TMPRSS15: variants seen among roughly 807,000 people sequenced by gnomAD.
TMPRSS15 encodes the protein enteropeptidase.
In TMPRSS15, 128 loss-of-function variants were observed where a neutral mutation model predicts 125.3. That is an observed-to-expected ratio of 1.02 (90% CI 0.89 to 1.18). TMPRSS15 has a LOEUF of 1.18. Among genes scored for constraint, TMPRSS15 ranks in the 50% most tolerant of loss-of-function variants. The pLI is 0.00. For missense variants in TMPRSS15, 1,283 were observed against 1,212.7 expected, an observed-to-expected ratio of 1.06 and a Z score of -0.86; for synonymous variants, 446 against 423.2, an observed-to-expected ratio of 1.05 and a Z score of -0.66.
chr21:18,361,893 A>C (rs200744313), intron 7 of TMPRSS15, among the ~76,000 whole-genome samples: 4 of 149,310 alleles, frequency 2.7e-5, no homozygotes, highest in East Asian at 2.0e-4. Context: ...TAAAAAAAAA[A>C]CAAACCCAAA....
intron 1 of TMPRSS15, among the ~76,000 whole-genome samples, chr21:18,400,263 G>A (rs2076082522): frequency 6.6e-6 from 1 of 152,100 alleles, no homozygotes; most frequent in Admixed American, 6.5e-5. Flanking sequence ...AGCCAGAATA[G>A]TCAAAGCAAT....
intron 10 of TMPRSS15, among the ~76,000 whole-genome samples, chr21:18,347,033 CTTTGTG>C (rs1172636134): frequency 6.6e-6 from 1 of 152,090 alleles, no homozygotes; most frequent in African/African-American, 2.4e-5. Flanking sequence ...TTTTTTGACA[CTTTGTG>C]TCTTCTTTTT....
At chr21:18,322,037 C>T (rs2075244099) in intron 16 of TMPRSS15, among the ~76,000 whole-genome samples, 2 of 152,158 alleles carry the variant, frequency 1.3e-5, no homozygotes, top group Admixed American at 1.3e-4. Context: ...TGAAATCTAG[C>T]TATAGGCAAA....
chr21:18,359,226 T>G (rs1305495612), intron 8 of TMPRSS15, among the ~76,000 whole-genome samples: 1 of 152,038 alleles, frequency 6.6e-6, no homozygotes, highest in African/African-American at 2.4e-5. Flanking sequence ...CCCGTCCATG[T>G]GTAACGATAA....
intron 16 of TMPRSS15, among the ~76,000 whole-genome samples, chr21:18,320,259 T>C (rs963077365): frequency 1.3e-5 from 2 of 152,080 alleles, no homozygotes; most frequent in Admixed American, 6.5e-5. Context: ...TAATATACTT[T>C]ATTTAAAAAG....
At chr21:18,477,016 A>G (rs62213271) in intron 1 of TMPRSS15, among the ~76,000 whole-genome samples, 2,927 of 152,228 alleles carry the variant, frequency 0.019, 86 homozygotes, top group African/African-American at 0.062. Context: ...CTATTACCCT[A>G]TATTTTTCTT....
intron 8 of TMPRSS15, among the ~76,000 whole-genome samples, chr21:18,358,741 A>T (rs1236876599): frequency 6.6e-6 from 1 of 152,014 alleles, no homozygotes; most frequent in Non-Finnish European, 1.5e-5. Flanking sequence ...CATATTTTGC[A>T]GGTTTGTTGA....
At chr21:18,423,598 T>C (rs936637120) in intron 1 of TMPRSS15, among the ~76,000 whole-genome samples, 5 of 151,024 alleles carry the variant, frequency 3.3e-5, no homozygotes, top group Non-Finnish European at 7.4e-5. Flanking sequence ...TTTTTTTTTT[T>C]AGTAGAGACG....
chr21:18,391,491 C>T (rs1235424450), intron 3 of TMPRSS15, among the ~76,000 whole-genome samples: 1 of 152,254 alleles, frequency 6.6e-6, no homozygotes, highest in Non-Finnish European at 1.5e-5. Context: ...TCCTTTGACT[C>T]CATGTCTCAC....
intron 10 of TMPRSS15, among the ~76,000 whole-genome samples, chr21:18,350,291 C>CT (rs1341389887): frequency 7.2e-5 from 11 of 152,182 alleles, no homozygotes; most frequent in African/African-American, 1.2e-4. Context: ...CAACACTAAA[C>CT]TTTTTTTGTC....
intron 12 of TMPRSS15, among the ~76,000 whole-genome samples, chr21:18,342,112 G>A (rs1030565743): frequency 6.6e-5 from 10 of 152,222 alleles, no homozygotes; most frequent in Admixed American, 3.3e-4. Flanking sequence ...GGTGGTGCCC[G>A]GAGGACACAG....
intron 1 of TMPRSS15, among the ~76,000 whole-genome samples, chr21:18,437,335 T>G (rs2076230152): frequency 6.6e-6 from 1 of 152,106 alleles, no homozygotes; most frequent in South Asian, 2.1e-4. Flanking sequence ...CAAGATGGAT[T>G]AAAGACTTAA....
In TMPRSS15 at chr21:18,294,346, A is replaced by G; in HGVS notation, c.2410T>C (p.Tyr804His). 2 of 1,614,256 alleles carry G rather than the reference A, an allele frequency of 1.2e-6. No individual in the cohort carries two copies. The highest frequency in any genetic ancestry group is 1.7e-6 in the Non-Finnish European group (2 of 1,180,044). ...GAWPWVVGLY[Y>H]GGRLLCGASL... is the part of the protein sequence containing the mutation. ...GCGCCGCAGAGCAGTCGGCCGCCAT[A>G]ATACAGACCCACAACCCAGGGCCAG... Residue 804 changes from tyrosine to histidine, a missense_variant, in exon 21 of 25, where the codon TAT becomes CAT. Transcript: ENST00000284885.
intron 18 of TMPRSS15, among the ~76,000 whole-genome samples, chr21:18,302,894 G>GCTGTTGGAGTTC (rs2074988569): frequency 6.6e-6 from 1 of 152,154 alleles, no homozygotes; most frequent in Non-Finnish European, 1.5e-5. Context: ...AGCTGCTGCT[G>GCTGTTGGAGTTC]CTGTTGGAGT....
At chr21:18,414,807 G>A (rs1304616306) in intron 1 of TMPRSS15, among the ~76,000 whole-genome samples, 1 of 152,126 alleles carries the variant, frequency 6.6e-6, no homozygotes, top group Non-Finnish European at 1.5e-5. Context: ...GAATAATGTT[G>A]TAATAAACGT....
intron 10 of TMPRSS15, among the ~76,000 whole-genome samples, 179 bp downstream of exon 10, chr21:18,352,724 A>G (rs1171163255): frequency 6.6e-6 from 1 of 151,882 alleles, no homozygotes; most frequent in South Asian, 2.1e-4. Flanking sequence ...CTTGAAACAC[A>G]CTCACTTTTA....
intron 1 of TMPRSS15, among the ~76,000 whole-genome samples, chr21:18,443,438 T>C (rs2076247433): frequency 6.6e-6 from 1 of 152,200 alleles, no homozygotes; most frequent in African/African-American, 2.4e-5. Context: ...ACTCACGCTC[T>C]CCACAGGGAC....
intron 18 of TMPRSS15, among the ~76,000 whole-genome samples, chr21:18,303,180 C>G (rs2074991574): frequency 6.6e-6 from 1 of 152,118 alleles, no homozygotes; most frequent in Non-Finnish European, 1.5e-5. Flanking sequence ...ACCGACCTTT[C>G]ATGTTTTGTA....
intron 18 of TMPRSS15, among the ~76,000 whole-genome samples, chr21:18,300,760 A>G (rs757900405): frequency 1.6e-4 from 24 of 151,850 alleles, no homozygotes; most frequent in Non-Finnish European, 3.1e-4. Context: ...TGACACATCT[A>G]CTTCTGGCAT....
Sources: allele counts gnomAD v4.1 joint callset (sites outside exome capture counted in the v4.1 genomes callset), GRCh38; gene constraint gnomAD v4.1.1; transcripts MANE v1.5; gene names NCBI Gene and HGNC (gene_info 2026-07-23, HGNC 2026-07-21).